Variants in SSPN observed in about 807,000 individuals in gnomAD.
SSPN encodes the protein K-ras oncogene-associated protein.
Under a neutral mutation model 19.1 loss-of-function variants are expected in SSPN, and 15 were observed. That is an observed-to-expected ratio of 0.78 (90% CI 0.52 to 1.21). The LOEUF is 1.21. Among genes scored for constraint, SSPN ranks in the 50% most tolerant of loss-of-function variants. The probability of loss-of-function intolerance (pLI) is 0.00; values close to 1 mark genes in which losing one functional copy is unlikely to be tolerated. For synonymous variants in SSPN, 147 were observed against 140.3 expected (o/e 1.05, Z -0.34); for missense variants, 291 against 314.0 (o/e 0.93, Z 0.55).
At chr12:26,174,478 T>TCCTA (rs1944671260) in intron 1 of SSPN, among the ~76,000 whole-genome samples, 1 of 116,522 alleles carries the variant, frequency 8.6e-6, no homozygotes, top group Non-Finnish European at 1.7e-5. Flanking sequence ...TACCCACGCT[T>TCCTA]CCTTCCTTCC....
intron 1 of SSPN, among the ~76,000 whole-genome samples, chr12:26,175,577 A>G (rs1366711235): frequency 6.6e-6 from 1 of 152,274 alleles, no homozygotes; most frequent in East Asian, 1.9e-4. Context: ...TAATAGTCAT[A>G]TTTATAATTA....
chr12:26,129,027 A>G (rs1465875642), intron 1 of SSPN, among the ~76,000 whole-genome samples: 1 of 152,090 alleles, frequency 6.6e-6, no homozygotes, highest in Non-Finnish European at 1.5e-5. Flanking sequence ...TAAAGTTTCC[A>G]TGGGGAATAG....
At chr12:26,199,725 GT>G (rs1395736449) in intron 1 of SSPN, among the ~76,000 whole-genome samples, 3 of 152,188 alleles carry the variant, frequency 2.0e-5, no homozygotes, top group Non-Finnish European at 4.4e-5. Context: ...ATGAATACAG[GT>G]TTAGTTTAGG....
intron 1 of SSPN, among the ~76,000 whole-genome samples, chr12:26,163,296 C>A (rs1343349539): frequency 6.6e-6 from 1 of 152,086 alleles, no homozygotes; most frequent in Non-Finnish European, 1.5e-5. Context: ...AAGTACTAAT[C>A]AATTGTTAAG....
chr12:26,155,715 CA>C lies in SSPN; in HGVS notation c.-31+33564del, dbSNP rs572657324. ...GAAAGAGCAAGATTTAATAATGAAT[CA>C]GGGGGACAAAAAATAGAGCTAACAT... On this transcript the variant is annotated intron_variant, in intron 1 of 2. Coordinates refer to the SSPN transcript ENST00000538142. Among the ~76,000 whole-genome samples, 1,364 of 152,262 alleles carry C rather than the reference CA, an allele frequency of 9.0e-3. 12 individuals carry two copies. Among genetic ancestry groups the C allele is most frequent in the Non-Finnish European group, 0.016 (1,064 of 68,002 alleles).
chr12:26,153,137 C>T (rs1344384599), intron 1 of SSPN, among the ~76,000 whole-genome samples: 4 of 152,154 alleles, frequency 2.6e-5, no homozygotes, highest in South Asian at 2.1e-4. Context: ...CGTCATATTC[C>T]CTTGTTCTCA....
At chr12:26,128,347 C>T (rs1222209021) in intron 1 of SSPN, among the ~76,000 whole-genome samples, 1 of 152,214 alleles carries the variant, frequency 6.6e-6, no homozygotes, top group East Asian at 1.9e-4. Flanking sequence ...GAGAGGCAGT[C>T]TTTTGCCATG....
At chr12:26,221,545 G>A (rs1945120883) in intron 1 of SSPN, among the ~76,000 whole-genome samples, 1 of 152,236 alleles carries the variant, frequency 6.6e-6, no homozygotes, top group South Asian at 2.1e-4. Context: ...ATGAGGTCAT[G>A]TGTTCCTATG....
intron 2 of SSPN, among the ~76,000 whole-genome samples, chr12:26,225,562 A>G (rs1208051428): frequency 1.3e-5 from 2 of 152,184 alleles, no homozygotes; most frequent in Non-Finnish European, 2.9e-5. Context: ...TTTTCTAAGT[A>G]AACAGTTAAT....
intron 1 of SSPN, among the ~76,000 whole-genome samples, chr12:26,177,068 G>A (rs1944688519): frequency 6.6e-6 from 1 of 152,154 alleles, no homozygotes; most frequent in Non-Finnish European, 1.5e-5. Flanking sequence ...AATACGAGAA[G>A]AGAGGGAGAT....
intron 1 of SSPN, among the ~76,000 whole-genome samples, chr12:26,153,584 AAAC>A (rs1208886668): frequency 6.6e-6 from 1 of 152,246 alleles, no homozygotes; most frequent in Non-Finnish European, 1.5e-5. Context: ...AATAATGAAT[AAAC>A]AGAAGAACTG....
At chr12:26,124,466 C>T (rs1178951489) in intron 1 of SSPN, 1 of 1,555,790 alleles carries the variant, frequency 6.4e-7, no homozygotes, top group Admixed American at 1.7e-5. Context: ...AAATCAATGG[C>T]TCTAATTAAC....
At chr12:26,151,568 A>G (rs1944525682) in intron 1 of SSPN, among the ~76,000 whole-genome samples, 1 of 152,156 alleles carries the variant, frequency 6.6e-6, no homozygotes, top group Non-Finnish European at 1.5e-5. Context: ...GTCAGGCACT[A>G]TTCAGAGTTC....
intron 1 of SSPN, among the ~76,000 whole-genome samples, chr12:26,174,511 T>TCCTTC (rs1944672391): frequency 1.4e-5 from 2 of 145,782 alleles, no homozygotes; most frequent in African/African-American, 5.2e-5. Flanking sequence ...TTCCCTTCCT[T>TCCTTC]CCTTCCTTCC....
At chr12:26,204,291 A>AT (rs1944912063) in intron 1 of SSPN, among the ~76,000 whole-genome samples, 1 of 152,126 alleles carries the variant, frequency 6.6e-6, no homozygotes, top group Non-Finnish European at 1.5e-5. Flanking sequence ...CATATGGAGG[A>AT]AGCTGTTTTC....
intron 1 of SSPN, among the ~76,000 whole-genome samples, chr12:26,144,995 A>G (rs1944481516): frequency 2.6e-5 from 4 of 152,322 alleles, no homozygotes; most frequent in South Asian, 4.1e-4. Flanking sequence ...CTGGCCAGAT[A>G]GCATTGTTAT....
chr12:26,189,856 G>T (rs1237063971), intron 1 of SSPN, among the ~76,000 whole-genome samples: 2 of 152,172 alleles, frequency 1.3e-5, no homozygotes, highest in African/African-American at 2.4e-5. Context: ...TGGAGTTCAA[G>T]GACAGAGTGA....
upstream of SSPN, among the ~76,000 whole-genome samples, chr12:26,192,576 A>G (rs1390312891): frequency 2.0e-5 from 3 of 152,228 alleles, no homozygotes; most frequent in Non-Finnish European, 4.4e-5. Context: ...AATTAAGTGA[A>G]AATGACATCC....
intron 1 of SSPN, among the ~76,000 whole-genome samples, chr12:26,218,342 GA>G (rs1452591846): frequency 1.8e-4 from 3 of 16,750 alleles, no homozygotes; most frequent in Admixed American, 3.4e-4. Context: ...GGGGAGGGGG[GA>G]GGGGGGAGGG....
Sources: allele counts gnomAD v4.1 joint callset (sites outside exome capture counted in the v4.1 genomes callset), GRCh38; gene constraint gnomAD v4.1.1; transcripts MANE v1.5; gene names NCBI Gene and HGNC (gene_info 2026-07-23, HGNC 2026-07-21).